The following RABGAP1L variants were observed in gnomAD, a reference collection of about 807,000 sequenced individuals.
RABGAP1L encodes RAB GTPase activating protein 1 like, also known as rab GTPase-activating protein 1-like.
A neutral mutation model predicts 137.7 loss-of-function variants in RABGAP1L; 63 were observed. That is an observed-to-expected ratio of 0.46 (90% confidence interval 0.37 to 0.56). RABGAP1L has a LOEUF of 0.56. Ranked by LOEUF, RABGAP1L falls within the 20% of genes least tolerant of loss-of-function variation. The pLI is 0.00. For missense variants in RABGAP1L, 1,095 were observed against 1,244.0 expected (o/e 0.88, Z 1.80); for synonymous variants, 431 against 433.7 (o/e 0.99, Z 0.08).
At chr1:174,550,045 CAAT>C (rs1354173913) in intron 13 of RABGAP1L, among the ~76,000 whole-genome samples, 1 of 152,064 alleles carries the variant, frequency 6.6e-6, no homozygotes, top group South Asian at 2.1e-4. Context: ...CCATCTCTAA[CAAT>C]AATAATAACA....
chr1:174,734,354 G>A (rs1682757378), intron 17 of RABGAP1L, among the ~76,000 whole-genome samples: 1 of 152,102 alleles, frequency 6.6e-6, no homozygotes, highest in South Asian at 2.1e-4. Context: ...AGTATTCAGA[G>A]CAAAAGGTAG....
intron 13 of RABGAP1L, among the ~76,000 whole-genome samples, chr1:174,416,668 G>T (rs936386244): frequency 6.6e-6 from 1 of 151,982 alleles, no homozygotes; most frequent in African/African-American, 2.4e-5. Flanking sequence ...TGTCATGCAA[G>T]ATGAAAATTT....
At position 174,328,475 on chromosome 1, in the gene RABGAP1L, TA is replaced by T. The variant is rs915654991; in HGVS notation, c.1465+23354del. On this transcript the variant is annotated intron_variant, in intron 11 of 25. Coordinates refer to ENST00000681986, the MANE Select transcript of RABGAP1L (RefSeq NM_001366446.1). ...CCAATGAAGAAATTAAAAGGGAATT[TA>T]AAAAATTTCTTGGCCGGGCACGTTG... Among the ~76,000 whole-genome samples the T allele has an allele frequency of 7.2e-5, 11 of 152,052 alleles. 1 individual carries two copies. The highest frequency in any genetic ancestry group is 2.7e-4 in the African/African-American group (11 of 41,416).
chr1:174,461,882 A>AG (rs1656730500), intron 13 of RABGAP1L, among the ~76,000 whole-genome samples: 1 of 152,142 alleles, frequency 6.6e-6, no homozygotes, highest in South Asian at 2.1e-4. Flanking sequence ...TGCGTCTTAA[A>AG]GGGGGGTGAA....
At chr1:174,690,405 T>C (rs1678790659) in intron 15 of RABGAP1L, among the ~76,000 whole-genome samples, 1 of 152,190 alleles carries the variant, frequency 6.6e-6, no homozygotes, top group Admixed American at 6.5e-5. Context: ...TGGCAAGTCA[T>C]TTAACTTCTT....
At chr1:174,399,878 C>T (rs895202530) in intron 13 of RABGAP1L, among the ~76,000 whole-genome samples, 15 of 152,120 alleles carry the variant, frequency 9.9e-5, no homozygotes, top group African/African-American at 3.6e-4. Flanking sequence ...CCTGGTCCCT[C>T]CCACGACACA....
intron 13 of RABGAP1L, among the ~76,000 whole-genome samples, chr1:174,396,198 T>C (rs1359637004): frequency 6.6e-6 from 1 of 152,068 alleles, no homozygotes; most frequent in African/African-American, 2.4e-5. Flanking sequence ...CTAACAGATA[T>C]ATGGAGTTTG....
intron 19 of RABGAP1L, chr1:174,935,442 T>C (rs947088959): frequency 1.3e-5 from 2 of 152,246 alleles, no homozygotes; most frequent in Non-Finnish European, 2.9e-5. Context: ...ATATGGACTT[T>C]GGCTTAATTT....
chr1:174,486,249 A>T, intron 13 of RABGAP1L, among the ~76,000 whole-genome samples: 1 of 142,106 alleles, frequency 7.0e-6, no homozygotes, highest in African/African-American at 2.6e-5. Flanking sequence ...TGTCTGGCTA[A>T]ATGTTTGTCA....
At chr1:174,368,789 C>CT (rs1480324915) in intron 11 of RABGAP1L, among the ~76,000 whole-genome samples, 6 of 151,838 alleles carry the variant, frequency 4.0e-5, no homozygotes, top group Non-Finnish European at 8.8e-5. Context: ...ATTTTTAAAT[C>CT]TTTTTAATGG....
intron 18 of RABGAP1L, among the ~76,000 whole-genome samples, chr1:174,788,648 C>T (rs975071078): frequency 2.6e-5 from 4 of 152,116 alleles, no homozygotes; most frequent in Admixed American, 6.5e-5. Context: ...TTGTCCAGTA[C>T]CCATCTTTTT....
chr1:174,652,922 G>A (rs1237735014), intron 14 of RABGAP1L, among the ~76,000 whole-genome samples: 1 of 152,206 alleles, frequency 6.6e-6, no homozygotes, highest in South Asian at 2.1e-4. Context: ...CAGGTGCTCT[G>A]TCCCAGGGAG....
At chr1:174,269,619 G>T (rs1279797187) in intron 7 of RABGAP1L, among the ~76,000 whole-genome samples, 1 of 152,128 alleles carries the variant, frequency 6.6e-6, no homozygotes, top group Admixed American at 6.5e-5. Flanking sequence ...CTATTATTAT[G>T]ATAATAATTG....
chr1:174,514,871 T>C (rs1662675774), intron 13 of RABGAP1L, among the ~76,000 whole-genome samples: 1 of 152,316 alleles, frequency 6.6e-6, no homozygotes, highest in Admixed American at 6.5e-5. Context: ...CTGCTTTATA[T>C]GCTTAAAAAT....
At chr1:174,251,866 T>G (rs1672740294) in intron 6 of RABGAP1L, among the ~76,000 whole-genome samples, 1 of 152,178 alleles carries the variant, frequency 6.6e-6, no homozygotes, top group Non-Finnish European at 1.5e-5. Context: ...ATTCCTAAAT[T>G]TGTTTTAAAA....
intron 14 of RABGAP1L, among the ~76,000 whole-genome samples, chr1:174,655,245 T>C (rs918035259): frequency 2.0e-5 from 3 of 152,190 alleles, no homozygotes; most frequent in Non-Finnish European, 4.4e-5. Flanking sequence ...ATGTTCTTGA[T>C]AGATTAGAAA....
chr1:174,635,118 A>G (rs1040219249), intron 13 of RABGAP1L, among the ~76,000 whole-genome samples: 2 of 152,060 alleles, frequency 1.3e-5, no homozygotes, highest in East Asian at 1.9e-4. Flanking sequence ...TTTACTCTCT[A>G]GATTTTTTTC....
chr1:174,278,722 A>G lies in RABGAP1L; in HGVS notation c.1266A>G (p.Arg422=). Reference sequence around the variant, plus strand: ...TCCGTGTGTACCCTGCAAATGAGCGATTTTGGTATTTCAGCAGAAAGACTT... The same window carrying G: ...TCCGTGTGTACCCTGCAAATGAGCGGTTTTGGTATTTCAGCAGAAAGACTT... ...TVVRVYPANE[R]FWYFSRKTFT... is the part of the protein sequence containing the mutation. The change falls in exon 10 of 26, where the codon CGA becomes CGG. Residue 422 remains arginine, a synonymous_variant. Coordinates refer to ENST00000681986, the MANE Select transcript of RABGAP1L (RefSeq NM_001366446.1). 6.3e-7 allele frequency: 1 copy of G among 1,586,944 alleles called. No homozygotes were observed.
chr1:174,935,249 CTT>C (rs1298838666), intron 19 of RABGAP1L: 1 of 152,138 alleles, frequency 6.6e-6, no homozygotes, highest in Non-Finnish European at 1.5e-5. Context: ...CTCAAGGAGA[CTT>C]TTATTGTCTT....
Sources: gnomAD v4.1 joint callset for allele counts (sites outside exome capture counted in the v4.1 genomes callset) on GRCh38, gnomAD v4.1.1 for gene constraint, MANE v1.5 for transcripts, NCBI Gene and HGNC (gene_info 2026-07-23, HGNC 2026-07-21) for gene names.